Variants in ARHGAP27 observed in about 807,000 individuals in gnomAD.
The protein encoded by ARHGAP27 is rho GTPase-activating protein 27.
A neutral mutation model predicts 102.0 loss-of-function variants in ARHGAP27; 53 were observed. That is an observed-to-expected ratio of 0.52 (90% CI 0.42 to 0.65). The LOEUF (loss-of-function observed/expected upper bound fraction) is 0.65, where lower values mean the gene tolerates loss of function less well. Ranked by LOEUF, ARHGAP27 falls within the 30% of genes least tolerant of loss-of-function variation. ARHGAP27 has a pLI of 0.00. For missense variants in ARHGAP27, 1,117 were observed against 1,256.2 expected (o/e 0.89, Z 1.68); for synonymous variants, 525 against 542.8 (o/e 0.97, Z 0.46).
chr17:45,420,546 A>G (rs1357399451), intron 4 of ARHGAP27, among the ~76,000 whole-genome samples: 1 of 152,182 alleles, frequency 6.6e-6, no homozygotes, highest in African/African-American at 2.4e-5. Flanking sequence ...ACCTGTAAAA[A>G]TACTATCTAG....
In ARHGAP27 at chr17:45,394,255, C is replaced by T. The variant is rs1274975831; in HGVS notation, c.*1201G>A. The T allele has an allele frequency of 6.6e-6, 1 of 152,274 alleles. No homozygotes were observed. The highest frequency in any genetic ancestry group is 1.5e-5 in the Non-Finnish European group (1 of 68,052). 9.4% of individuals were successfully genotyped at this position (152,274 alleles called of 1,614,324 possible). Reference sequence around the variant, plus strand: ...TAAATGAACAGGTGGGTTGGTGGGGCTGGGGGCCAAGAGCCACAAGCTGAG... The same window carrying T: ...TAAATGAACAGGTGGGTTGGTGGGGTTGGGGGCCAAGAGCCACAAGCTGAG... On this transcript the variant is annotated 3_prime_UTR_variant, in exon 20 of 20. Transcript: ENST00000685559.
intron 4 of ARHGAP27, among the ~76,000 whole-genome samples, chr17:45,420,948 C>CT (rs1208812416): frequency 1.9e-5 from 1 of 52,014 alleles, no homozygotes; most frequent in Non-Finnish European, 4.0e-5. Flanking sequence ...AAGACTCCAT[C>CT]TCAAAAAAAA....
intron 4 of ARHGAP27, chr17:45,429,394 C>A (rs1283182481): frequency 8.1e-6 from 11 of 1,363,024 alleles, no homozygotes; most frequent in Non-Finnish European, 1.0e-5. Context: ...TTACGAAAAG[C>A]CTCTGGGCTT....
At chr17:45,409,336 G>T (rs1353602024) in intron 4 of ARHGAP27, 2 of 152,280 alleles carry the variant, frequency 1.3e-5, no homozygotes, top group African/African-American at 4.8e-5. Flanking sequence ...GGCTGATGGG[G>T]TCCTCACACG....
At chr17:45,417,247 T>C (rs1255769662) in intron 4 of ARHGAP27, among the ~76,000 whole-genome samples, 2 of 151,580 alleles carry the variant, frequency 1.3e-5, no homozygotes, top group Admixed American at 1.3e-4. Flanking sequence ...GCAGATCACC[T>C]GAGGTCAGAC....
At chr17:45,416,884 GT>G (rs1264535920) in intron 4 of ARHGAP27, among the ~76,000 whole-genome samples, 3 of 149,734 alleles carry the variant, frequency 2.0e-5, no homozygotes, top group African/African-American at 7.3e-5. Context: ...GCCGGGCGCG[GT>G]GGCTCATGCC....
rs1169739606 is a variant in ARHGAP27, at chr17:45,407,288, T to G, written c.658-1205A>C. On this transcript the variant is annotated intron_variant, in intron 4 of 19. Coordinates refer to ENST00000685559, the MANE Select transcript of ARHGAP27 (RefSeq NM_001282290.2). ...CATCTGCAGCCTGCCCAGGCCCATCTCCACCCCTTTTTTTGCCTGGCTGAC... is the reference window on the plus strand; with the variant it reads ...CATCTGCAGCCTGCCCAGGCCCATCGCCACCCCTTTTTTTGCCTGGCTGAC... Among the ~76,000 whole-genome samples the G allele has an allele frequency of 2.6e-5, 4 of 152,136 alleles. No individual in the cohort carries two copies. The East Asian group carries it at 7.7e-4, about 29-fold the overall frequency.
chr17:45,419,512 GTATATATATATATATATATATA>G (rs71136087), intron 4 of ARHGAP27, among the ~76,000 whole-genome samples: 1,897 of 119,750 alleles, frequency 0.016, 29 homozygotes, highest in Non-Finnish European at 0.022. Context: ...TATGCTGTAT[GTATATATATATATATATATATA>G]TATATATATA....
Position 45,396,218 on chromosome 17 carries a change from T to A in ARHGAP27, c.2240A>T (p.Lys747Met), listed in dbSNP as rs775059872. Residue 747 changes from lysine to methionine, a missense_variant, in exon 17 of 20, where the codon AAG becomes ATG. Physicochemically the swap from Lys to Met is moderately conservative, Grantham distance 95. This residue lies in a region of ARHGAP27 where 493 missense variants were observed against 505.5 expected (regional missense o/e 0.98). Coordinates refer to ENST00000685559, the MANE Select transcript of ARHGAP27 (RefSeq NM_001282290.2). Reference protein sequence around the residue: ...NLATIQKLRYKVDHDERLDLD... With the variant: ...NLATIQKLRYMVDHDERLDLD... Reference sequence around the variant, plus strand: ...GGGACGGGCCTCACCGTGGTCCACCTTATAGCGTAGCTTCTGGATGGTGGC... The same window carrying A: ...GGGACGGGCCTCACCGTGGTCCACCATATAGCGTAGCTTCTGGATGGTGGC... The A allele has an allele frequency of 1.2e-6, 2 of 1,612,848 alleles. No individual in the cohort carries two copies. Among genetic ancestry groups the A allele is most frequent in the Non-Finnish European group, 1.7e-6 (2 of 1,179,338 alleles).
Position 45,427,317 on chromosome 17 carries a change from T to C in ARHGAP27, c.657+2306A>G, listed in dbSNP as rs2049717457. ...AAGGGCCCACGAGGCCCTGCCCGGG[T>C]GGGCACCCACTCTCAACCCTATGCT... On this transcript the variant is annotated intron_variant, in intron 4 of 19. Coordinates refer to ENST00000685559, the MANE Select transcript of ARHGAP27 (RefSeq NM_001282290.2). The surrounding 1 kb of genome is among the most constrained non-coding windows in gnomAD (Gnocchi z 4.5). Among the ~76,000 whole-genome samples, 1 of 152,124 alleles carries C rather than the reference T, an allele frequency of 6.6e-6. No individual in the cohort carries two copies. The highest frequency in any genetic ancestry group is 1.5e-5 in the Non-Finnish European group (1 of 68,016).
rs201061334 is a variant in ARHGAP27, at chr17:45,397,926, T to C, written c.1842+23A>G. ...ATGGCCACCCCCTCCCCACTGCCCC[T>C]AGAGGCCCTGGGCTCTGCTTACCAG... is the stretch of plus-strand genomic sequence containing the variant. On this transcript the variant is annotated intron_variant, in intron 13 of 19. Coordinates refer to ENST00000685559, the MANE Select transcript of ARHGAP27 (RefSeq NM_001282290.2). 34 of 1,583,844 alleles carry C rather than the reference T, an allele frequency of 2.1e-5. No homozygotes were observed. The African/African-American group carries it at 2.7e-4, about 12-fold the overall frequency.
Position 45,429,376 on chromosome 17 carries a change from C to T in ARHGAP27, c.657+247G>A, listed in dbSNP as rs1443014508. On this transcript the variant is annotated intron_variant, in intron 4 of 19. Transcript: ENST00000685559. ...ATCAGTTCAAGCGCAATTTTGCCAC[C>T]AATTGGATTACGAAAAGCCTCTGGG... 4 of 1,338,598 alleles carry T rather than the reference C, an allele frequency of 3.0e-6. No individual in the cohort carries two copies. The South Asian group carries it at 7.2e-5, about 24-fold the overall frequency. 82.9% of individuals were successfully genotyped at this position (1,338,598 alleles called of 1,614,324 possible). A position where few individuals can be genotyped will look rare whatever the true frequency, so the allele number is the denominator to read the frequency against.
chr17:45,419,956 G>T (rs973181840), intron 4 of ARHGAP27, among the ~76,000 whole-genome samples: 3 of 152,168 alleles, frequency 2.0e-5, no homozygotes, highest in African/African-American at 7.2e-5. Flanking sequence ...GAAAACAAAA[G>T]TTTGACAACA....
intron 13 of ARHGAP27, 41 bp downstream of exon 13, chr17:45,397,907 AC>A: frequency 2.6e-6 from 4 of 1,540,142 alleles, no homozygotes; most frequent in South Asian, 1.2e-5. Flanking sequence ...CATAATGGCC[AC>A]CCCCTCCCCA....
chr17:45,430,081 G>C lies in ARHGAP27; in HGVS notation c.199C>G (p.Leu67Val). The change falls in exon 4 of 20, where the codon CTG (leucine) becomes GTG (valine). Residue 67 changes from leucine (L) to valine (V), a missense_variant. This residue lies in a region of ARHGAP27 where 610 missense variants were observed against 716.4 expected (regional missense o/e 0.85). Transcript: ENST00000685559. This position sits in a 1 kb window ranked among gnomAD's most constrained non-coding sequence, Gnocchi z 4.4. ...GCGGCAGGGTTGCCCAGCGCGGGCAGCTCGCGCACGTACTGCGCAGGCAGG... is the reference window on the plus strand; with the variant it reads ...GCGGCAGGGTTGCCCAGCGCGGGCACCTCGCGCACGTACTGCGCAGGCAGG... Reference protein sequence around the residue: ...FYLPAQYVRELPALGNPAAAA... With the variant: ...FYLPAQYVREVPALGNPAAAA... 1 of 1,421,016 alleles carries C rather than the reference G, an allele frequency of 7.0e-7. No individual in the cohort carries two copies. The highest frequency in any genetic ancestry group is 1.4e-5 in the South Asian group (1 of 69,830). The allele number at this position is 1,421,016 out of a possible 1,614,324, so 88.0% of individuals were successfully genotyped here.
chr17:45,414,093 G>A (rs1423503940), intron 4 of ARHGAP27, among the ~76,000 whole-genome samples: 2 of 141,160 alleles, frequency 1.4e-5, no homozygotes, highest in Non-Finnish European at 3.1e-5. Flanking sequence ...GTGACAGAGC[G>A]AGACTCCATC....
rs1430429371 is a variant in ARHGAP27 at position 45,395,618 on chromosome 17, G to A, written c.2508C>T (p.Gly836=). The change falls in exon 20 of 20, where the codon GGC becomes GGT. Residue 836 remains glycine, a synonymous_variant. Coordinates refer to ENST00000685559, the MANE Select transcript of ARHGAP27 (RefSeq NM_001282290.2). The stretch of plus-strand genomic sequence containing the variant: ...TCTGCACCGACATGCGGTTCTGCTC[G>A]CCGTGCTCGATCACCCTGTGGCAGG... ...FQHLCRVIEH[G]EQNRMSVQSV... 3 of 1,605,878 alleles carry A rather than the reference G, an allele frequency of 1.9e-6. No individual in the cohort carries two copies. In the African/African-American group the frequency reaches 4.0e-5, roughly 21 times the overall value.
intron 4 of ARHGAP27, among the ~76,000 whole-genome samples, chr17:45,419,573 A>T (rs1163996574): frequency 6.8e-6 from 1 of 146,950 alleles, no homozygotes; most frequent in Admixed American, 6.8e-5. Flanking sequence ...TGTAACAAAG[A>T]TGCAAAATAT....
At chr17:45,431,815 G>C (rs2145116966) in intron 2 of ARHGAP27, 63 bp from the exon 3 acceptor site, 1 of 174,860 alleles carries the variant, frequency 5.7e-6, no homozygotes, top group South Asian at 9.4e-5. Context: ...ACCCAAAGCA[G>C]CCGTGTCTGG....
Sources: allele counts gnomAD v4.1 joint callset (sites outside exome capture counted in the v4.1 genomes callset), GRCh38; gene constraint gnomAD v4.1.1; regional missense constraint gnomAD v4.1.1; non-coding constraint Gnocchi (gnomAD v3.1); transcripts MANE v1.5; gene names NCBI Gene and HGNC (gene_info 2026-07-23, HGNC 2026-07-21).